The following PDE1A variants were observed in gnomAD, a reference collection of about 807,000 sequenced individuals.
PDE1A encodes dual specificity calcium/calmodulin-dependent 3',5'-cyclic nucleotide phosphodiesterase 1A.
PDE1A carries 35 observed loss-of-function variants against 61.7 expected under a neutral mutation model. The ratio of observed to expected loss-of-function variants is 0.57; its 90% confidence interval spans 0.43 to 0.75. PDE1A has a LOEUF of 0.75. Ranked by LOEUF, PDE1A falls within the 30% of genes least tolerant of loss-of-function variation. The pLI is 0.00. For synonymous variants in PDE1A, 232 were observed against 213.2 expected (o/e 1.09, Z -0.77); for missense variants, 597 against 630.6 (o/e 0.95, Z 0.57).
chr2:182,512,433 T>C (rs565392751), intron 2 of PDE1A, among the ~76,000 whole-genome samples: 2 of 152,068 alleles, frequency 1.3e-5, no homozygotes, highest in Admixed American at 1.3e-4. Flanking sequence ...TGAAAGAATA[T>C]AAAAGCAAAA....
chr2:182,356,233 C>T (rs1381834495), intron 1 of PDE1A, among the ~76,000 whole-genome samples: 1 of 151,768 alleles, frequency 6.6e-6, no homozygotes, highest in Non-Finnish European at 1.5e-5. Flanking sequence ...TCACTTGAAA[C>T]CAGGAATTCA....
At chr2:182,517,618 A>T (rs934261) in intron 2 of PDE1A, among the ~76,000 whole-genome samples, 117,283 of 152,184 alleles carry the variant, frequency 0.77, 47,219 homozygotes, top group East Asian at 0.99. Flanking sequence ...GAAGAGAAAT[A>T]CAGGTTATTT....
At chr2:182,257,809 T>A (rs1691928200) in intron 2 of PDE1A, among the ~76,000 whole-genome samples, 1 of 152,162 alleles carries the variant, frequency 6.6e-6, no homozygotes, top group African/African-American at 2.4e-5. Flanking sequence ...GCATCAGGCA[T>A]TAGAGGATGC....
chr2:182,708,682 A>G, the PDE1A span, among the ~76,000 whole-genome samples: 1 of 152,104 alleles, frequency 6.6e-6, no homozygotes, highest in East Asian at 1.9e-4. Flanking sequence ...CCCTCCCTCA[A>G]CACATGGGGA....
At chr2:182,212,749 C>A (rs939000461) in intron 7 of PDE1A, among the ~76,000 whole-genome samples, 2 of 152,224 alleles carry the variant, frequency 1.3e-5, no homozygotes, top group African/African-American at 2.4e-5. Context: ...TATCCCGCAC[C>A]TGGCTCGGAG....
chr2:182,362,887 A>C (rs763989136), intron 1 of PDE1A, among the ~76,000 whole-genome samples: 1 of 152,140 alleles, frequency 6.6e-6, no homozygotes, highest in Non-Finnish European at 1.5e-5. Flanking sequence ...ATGCAGCCAT[A>C]AAAAGGAATG....
At chr2:182,554,194 C>A in the PDE1A span, among the ~76,000 whole-genome samples, 11 of 152,254 alleles carry the variant, frequency 7.2e-5, no homozygotes, top group Non-Finnish European at 1.3e-4. Context: ...CTAAATTTAA[C>A]CTACAATTCA....
At chr2:182,483,984 C>A (rs1268529140) in intron 2 of PDE1A, among the ~76,000 whole-genome samples, 1 of 151,742 alleles carries the variant, frequency 6.6e-6, no homozygotes. Context: ...TTGAACAACT[C>A]TATGCCAAAA....
the PDE1A span, among the ~76,000 whole-genome samples, chr2:182,560,506 T>C: frequency 1.3e-5 from 2 of 151,284 alleles, no homozygotes; most frequent in African/African-American, 2.4e-5. Context: ...CTATTGTGAA[T>C]AGTGCCGCAA....
chr2:182,533,448 A>C, the PDE1A span, among the ~76,000 whole-genome samples: 1 of 152,218 alleles, frequency 6.6e-6, no homozygotes, highest in South Asian at 2.1e-4. Context: ...AATCTTAGTA[A>C]AAGTGATGGA....
intron 1 of PDE1A, among the ~76,000 whole-genome samples, chr2:182,414,714 A>G (rs1702814726): frequency 6.6e-6 from 1 of 152,178 alleles, no homozygotes; most frequent in South Asian, 2.1e-4. Flanking sequence ...TCATTAGCTC[A>G]GTGTTGACAT....
At position 182,296,313 on chromosome 2, in the gene PDE1A, A is replaced by T. The variant is rs186523806; in HGVS notation, c.54-31899T>A. ...TTTGATACAACTCCCCCACTGTCAT[A>T]CATATAGGACAGTGGGGATGAAGTC... is the stretch of plus-strand genomic sequence containing the variant. On this transcript the variant is annotated intron_variant, in intron 1 of 13. Transcript: ENST00000351439. 2.0e-3 allele frequency among the ~76,000 whole-genome samples: 309 copies of T among 152,252 alleles called. 3 individuals are homozygous for T. The highest frequency in any genetic ancestry group is 2.6e-3 in the Non-Finnish European group (174 of 68,024).
the PDE1A span, among the ~76,000 whole-genome samples, chr2:182,566,348 A>T: frequency 6.6e-6 from 1 of 152,134 alleles, no homozygotes; most frequent in African/African-American, 2.4e-5. Flanking sequence ...ATTTCATATA[A>T]AACTGGTAAA....
chr2:182,489,354 G>A (rs1688233573), intron 2 of PDE1A, among the ~76,000 whole-genome samples: 1 of 152,162 alleles, frequency 6.6e-6, no homozygotes, highest in Admixed American at 6.6e-5. Context: ...ATTTTACTCT[G>A]AGATAAAGGG....
intron 1 of PDE1A, among the ~76,000 whole-genome samples, chr2:182,417,435 C>A (rs1442568260): frequency 6.6e-6 from 1 of 152,136 alleles, no homozygotes; most frequent in Non-Finnish European, 1.5e-5. Flanking sequence ...GAAATACCAC[C>A]TAATTTTTGG....
intron 6 of PDE1A, among the ~76,000 whole-genome samples, chr2:182,228,605 T>C (rs1689323768): frequency 6.6e-6 from 1 of 152,196 alleles, no homozygotes; most frequent in South Asian, 2.1e-4. Context: ...CTTTTTAATG[T>C]AGAGAAAACT....
At chr2:182,651,013 T>C in the PDE1A span, among the ~76,000 whole-genome samples, 1 of 152,180 alleles carries the variant, frequency 6.6e-6, no homozygotes, top group Admixed American at 6.5e-5. Flanking sequence ...TTGTTTTGTT[T>C]TGTTTTTTTC....
intron 1 of PDE1A, among the ~76,000 whole-genome samples, chr2:182,358,101 T>C (rs932670140): frequency 2.6e-5 from 4 of 152,190 alleles, no homozygotes; most frequent in African/African-American, 7.2e-5. Context: ...TGGGTGGACA[T>C]GATTGCACCC....
intron 1 of PDE1A, among the ~76,000 whole-genome samples, chr2:182,288,061 T>C (rs951739961): frequency 3.6e-5 from 5 of 137,664 alleles, no homozygotes; most frequent in Non-Finnish European, 8.3e-5. Flanking sequence ...TTATTGGTAC[T>C]TAAAACAATG....
Sources: gnomAD v4.1 joint callset for allele counts (sites outside exome capture counted in the v4.1 genomes callset) on GRCh38, gnomAD v4.1.1 for gene constraint, MANE v1.5 for transcripts, NCBI Gene and HGNC (gene_info 2026-07-23, HGNC 2026-07-21) for gene names.